The following HPS1 variants were observed in gnomAD, a reference collection of about 807,000 sequenced individuals.
The protein encoded by HPS1 is HPS1 biogenesis of lysosomal organelles complex 3 subunit 1.
Under a neutral mutation model 90.6 loss-of-function variants are expected in HPS1, and 59 were observed. The ratio of observed to expected loss-of-function variants is 0.65; its 90% CI spans 0.53 to 0.81. The LOEUF (loss-of-function observed/expected upper bound fraction) is 0.81, where lower values mean the gene tolerates loss of function less well. Among genes scored for constraint, HPS1 ranks in the 30% least tolerant of loss-of-function variants. HPS1 has a pLI of 0.00. For missense variants in HPS1, 849 were observed against 896.7 expected (o/e 0.95, Z 0.68); for synonymous variants, 388 against 384.4 (o/e 1.01, Z -0.11).
chr10:98,423,969 C>A, intron 14 of HPS1, 82 bp from the exon 15 acceptor site: 1 of 1,561,478 alleles, frequency 6.4e-7, no homozygotes, highest in South Asian at 1.1e-5. Context: ...TGTTCCTGCA[C>A]CCAGGACAGA....
At chr10:98,420,685 T>C (rs1591021855) in intron 17 of HPS1, among the ~76,000 whole-genome samples, 1 of 152,252 alleles carries the variant, frequency 6.6e-6, no homozygotes, top group East Asian at 1.9e-4. Flanking sequence ...CGCTGCACTC[T>C]AGCCTGGGTG....
chr10:98,437,933 T>A (rs899198878), intron 3 of HPS1, among the ~76,000 whole-genome samples: 1 of 152,158 alleles, frequency 6.6e-6, no homozygotes, highest in Admixed American at 6.5e-5. Context: ...GTTCTCAACT[T>A]GTTCTCATGA....
At chr10:98,423,698 G>A (rs1845206647) in intron 15 of HPS1, 30 bp from the exon 16 acceptor site, 2 of 1,613,970 alleles carry the variant, frequency 1.2e-6, no homozygotes, top group Non-Finnish European at 1.7e-6. Context: ...CTGCGTGAAG[G>A]AAGTACGGGC....
intron 5 of HPS1, among the ~76,000 whole-genome samples, chr10:98,434,426 A>G (rs538643578): frequency 1.1e-4 from 16 of 150,276 alleles, no homozygotes; most frequent in African/African-American, 3.9e-4. Flanking sequence ...GATCTGGTCC[A>G]TCATCAGGGC....
intron 5 of HPS1, 89 bp from the exon 6 acceptor site, chr10:98,434,180 A>C: frequency 7.3e-7 from 1 of 1,376,218 alleles, no homozygotes; most frequent in South Asian, 1.3e-5. Flanking sequence ...TCAGCTCAGC[A>C]TCAGAGCTTG....
At chr10:98,442,699 G>T (rs1045473539) in intron 3 of HPS1, 4 of 258,194 alleles carry the variant, frequency 1.5e-5, no homozygotes, top group Non-Finnish European at 2.3e-5. Context: ...GTAGAGACAG[G>T]GTTTCGCCAT....
At chr10:98,434,187 CTTGG>C in intron 5 of HPS1, 96 bp from the exon 6 acceptor site, 2 of 1,306,200 alleles carry the variant, frequency 1.5e-6, no homozygotes, top group Non-Finnish European at 2.1e-6. Context: ...AGCATCAGAG[CTTGG>C]TGAGCCCATA....
rs753983178 is a variant in HPS1 at position 98,417,706 on chromosome 10, C to T, written c.1961G>A (p.Ser654Asn). The T allele has an allele frequency of 1.9e-6, 3 of 1,613,724 alleles. No individual in the cohort carries two copies. The highest frequency in any genetic ancestry group is 1.7e-5 in the Admixed American group (1 of 59,988). ...GACAGCCTCGGTTGGGCGGTTCTTGCTGTAGTAGCGCAGGAGCTTCCTGGG... is the reference window on the plus strand; with the variant it reads ...GACAGCCTCGGTTGGGCGGTTCTTGTTGTAGTAGCGCAGGAGCTTCCTGGG... ...DYYRKLLRYY[S>N]KNRPTEAVRC... The change falls in exon 20 of 20, where the codon AGC (serine) becomes AAC (asparagine). Residue 654 changes from serine (S) to asparagine (N), a missense_variant. Physicochemically the swap from Ser to Asn is conservative, Grantham distance 46 (BLOSUM62 1). Coordinates refer to ENST00000361490, the MANE Select transcript of HPS1 (RefSeq NM_000195.5). This position sits in a 1 kb window ranked among gnomAD's most constrained non-coding sequence, Gnocchi z 4.2.
At chr10:98,419,083 G>A (rs892293547) in intron 18 of HPS1, among the ~76,000 whole-genome samples, 2 of 152,156 alleles carry the variant, frequency 1.3e-5, no homozygotes, top group African/African-American at 2.4e-5. Context: ...TCCGTACAAC[G>A]GGGTCAGGAA....
downstream of HPS1, among the ~76,000 whole-genome samples, chr10:98,415,426 G>A (rs932400105): frequency 5.3e-5 from 8 of 152,266 alleles, no homozygotes; most frequent in African/African-American, 1.9e-4. Context: ...CTGGCATTGT[G>A]CTGAACCCTG....
At chr10:98,419,287 C>A (rs1844535321) in intron 18 of HPS1, among the ~76,000 whole-genome samples, 1 of 152,128 alleles carries the variant, frequency 6.6e-6, no homozygotes, top group South Asian at 2.1e-4. Context: ...AGGAGGAACA[C>A]TCCTGAGAGC....
In HPS1 at chr10:98,429,586, G is replaced by T; in HGVS notation, c.924C>A (p.Gly308=). 6.2e-7 allele frequency: 1 copy of T among 1,614,180 alleles called. No individual in the cohort carries two copies. Among genetic ancestry groups the T allele is most frequent in the Non-Finnish European group, 8.5e-7 (1 of 1,180,010 alleles). The change falls in exon 10 of 20, where the codon GGC becomes GGA. Residue 308 remains glycine, a synonymous_variant. Transcript: ENST00000361490. ...EEYFTPAPSP[G]DQSSGSTIWL... ...TCCGGTCCTCACCTGAGCTCTGATC[G>T]CCAGGGGAAGGAGCTGGTGTGAAGT...
intron 17 of HPS1, chr10:98,420,456 G>A (rs138728051): frequency 0.013 from 4,828 of 372,152 alleles, 136 homozygotes; most frequent in South Asian, 0.058. Context: ...GCTTACGCCT[G>A]TAATCCTAGC....
chr10:98,445,425 G>C lies in HPS1; in HGVS notation c.-105-21C>G, dbSNP rs1192427944. The C allele has an allele frequency of 6.6e-6, 1 of 152,472 alleles. No homozygotes were observed. The highest frequency in any genetic ancestry group is 6.5e-5 in the Admixed American group (1 of 15,292). 9.4% of individuals were successfully genotyped at this position (152,472 alleles called of 1,614,324 possible). On this transcript the variant is annotated intron_variant, in intron 1 of 19. Coordinates refer to ENST00000361490, the MANE Select transcript of HPS1 (RefSeq NM_000195.5). The surrounding 1 kb of genome is among the most constrained non-coding windows in gnomAD (Gnocchi z 4.5). The stretch of plus-strand genomic sequence containing the variant: ...TGGTCCTGCAAATGCTTAAAACAGA[G>C]AGAATATGAGGGCAGGCAGATGCCC...
chr10:98,429,012 T>A (rs1845992871), intron 10 of HPS1: 1 of 166,414 alleles, frequency 6.0e-6, no homozygotes, highest in Non-Finnish European at 1.3e-5. Flanking sequence ...TGGCTAATTT[T>A]TGTATTTTTA....
At chr10:98,415,218 G>A, downstream of HPS1, 1 of 1,504,218 alleles carries the variant, frequency 6.6e-7, no homozygotes, top group East Asian at 2.4e-5. Context: ...GGTGGAGCAG[G>A]GAGGAAGCAG....
chr10:98,423,287 C>CCA (rs1044270381), intron 16 of HPS1, among the ~76,000 whole-genome samples: 1 of 148,852 alleles, frequency 6.7e-6, no homozygotes, highest in South Asian at 2.1e-4. Context: ...GAACCCCCCC[C>CCA]CCGGTCCCCA....
intron 6 of HPS1, among the ~76,000 whole-genome samples, chr10:98,432,543 T>C (rs1468891763): frequency 6.6e-6 from 1 of 152,238 alleles, no homozygotes; most frequent in Non-Finnish European, 1.5e-5. Context: ...TAGCTATGTC[T>C]CATCTGCTAT....
chr10:98,420,512 G>T, intron 17 of HPS1: 4 of 349,136 alleles, frequency 1.1e-5, no homozygotes, highest in South Asian at 6.7e-5. Context: ...TCAGGAGTTC[G>T]AGACCATCCT....
Sources: allele counts gnomAD v4.1 joint callset (sites outside exome capture counted in the v4.1 genomes callset), GRCh38; gene constraint gnomAD v4.1.1; non-coding constraint Gnocchi (gnomAD v3.1); transcripts MANE v1.5; gene names NCBI Gene and HGNC (gene_info 2026-07-23, HGNC 2026-07-21).